The following SIPA1L3 variants were observed in gnomAD, a reference collection of about 807,000 sequenced individuals.
The protein encoded by SIPA1L3 is signal induced proliferation associated 1 like 3.
A neutral mutation model predicts 150.1 loss-of-function variants in SIPA1L3; 59 were observed. The observed-to-expected ratio is 0.39, with a 90% CI of 0.32 to 0.49. The LOEUF is 0.49. Ranked by LOEUF, SIPA1L3 falls within the 20% of genes least tolerant of loss-of-function variation. The probability of loss-of-function intolerance (pLI) is 0.86; values close to 1 mark genes in which losing one functional copy is unlikely to be tolerated. For synonymous variants in SIPA1L3, 1,070 were observed against 1,077.6 expected, an observed-to-expected ratio of 0.99 and a Z score of 0.14; for missense variants, 2,211 against 2,489.5, an observed-to-expected ratio of 0.89 and a Z score of 2.38.
At position 38,120,081 on chromosome 19, in the gene SIPA1L3, G is replaced by A. The variant is rs705507; in HGVS notation, c.2868+199G>A. 0.66 allele frequency among the ~76,000 whole-genome samples: 100,537 copies of A among 151,986 alleles called. 34,868 individuals are homozygous for A. Among genetic ancestry groups the A allele is most frequent in the African/African-American group, 0.87 (36,143 of 41,466 alleles). ...TCTGGAAGGTTTGTGCCAGAGATCTGTGGATCTTCATGCTATTACCTTGGA... is the reference window on the plus strand; with the variant it reads ...TCTGGAAGGTTTGTGCCAGAGATCTATGGATCTTCATGCTATTACCTTGGA... On this transcript the variant is annotated intron_variant, in intron 9 of 21. Coordinates refer to ENST00000222345, the MANE Select transcript of SIPA1L3 (RefSeq NM_015073.3).
chr19:38,053,726 T>A (rs1381831868), intron 2 of SIPA1L3, among the ~76,000 whole-genome samples: 1 of 151,832 alleles, frequency 6.6e-6, no homozygotes, highest in Middle Eastern at 3.2e-3. Context: ...CCAGCTAATT[T>A]TTATTATTTT....
At chr19:38,086,012 CA>C (rs796784912) in intron 3 of SIPA1L3, among the ~76,000 whole-genome samples, 13 of 148,104 alleles carry the variant, frequency 8.8e-5, no homozygotes, top group African/African-American at 1.5e-4. Context: ...CAAAACAAAA[CA>C]AAAAAAAAAC....
intron 1 of SIPA1L3, among the ~76,000 whole-genome samples, chr19:37,973,124 C>T (rs1020240712): frequency 1.3e-5 from 2 of 151,968 alleles, no homozygotes; most frequent in African/African-American, 4.8e-5. Flanking sequence ...CTGCAGTACA[C>T]ACTGTGCAGC....
chr19:38,013,233 G>A lies in SIPA1L3; in HGVS notation c.-378-15856G>A, dbSNP rs10414605. Among the ~76,000 whole-genome samples, 1,517 of 152,232 alleles carry A rather than the reference G, an allele frequency of 1.0e-2. 23 individuals carry two copies. Among genetic ancestry groups the A allele is most frequent in the African/African-American group, 0.033 (1,387 of 41,516 alleles). Reference sequence around the variant, plus strand: ...TGCCTACCCAAGGGCTGTAGAATAGGTGTCACAGATTACAAGAAGGTAAAA... The same window carrying A: ...TGCCTACCCAAGGGCTGTAGAATAGATGTCACAGATTACAAGAAGGTAAAA... On this transcript the variant is annotated intron_variant, in intron 1 of 21. Transcript: ENST00000222345.
chr19:38,175,204 G>A (rs909829015), intron 15 of SIPA1L3, among the ~76,000 whole-genome samples: 1 of 151,968 alleles, frequency 6.6e-6, no homozygotes, highest in African/African-American at 2.4e-5. Context: ...GTGAGGTGAC[G>A]CCTATAAGAT....
intron 1 of SIPA1L3, among the ~76,000 whole-genome samples, chr19:37,919,819 T>G (rs1055795948): frequency 1.4e-5 from 2 of 146,610 alleles, no homozygotes; most frequent in Non-Finnish European, 3.0e-5. Context: ...CAAGCAATTC[T>G]CCTGCCTCAG....
At chr19:38,189,581 C>T (rs983699623) in intron 16 of SIPA1L3, among the ~76,000 whole-genome samples, 42 of 152,046 alleles carry the variant, frequency 2.8e-4, no homozygotes, top group African/African-American at 9.9e-4. Context: ...GCCTGGCCAA[C>T]GTGGTGAAAC....
At chr19:38,142,785 C>T in intron 12 of SIPA1L3, 75 bp downstream of exon 12, 2 of 1,508,000 alleles carry the variant, frequency 1.3e-6, no homozygotes, top group Non-Finnish European at 1.8e-6. Flanking sequence ...AGCAAATGCA[C>T]ACCCCCACAA....
intron 7 of SIPA1L3, 47 bp from the exon 8 acceptor site, chr19:38,110,180 G>A: frequency 6.3e-7 from 1 of 1,597,752 alleles, no homozygotes. Context: ...GGACCCGTCA[G>A]GCCGACCTGT....
At chr19:38,049,422 T>C (rs1202264798) in intron 2 of SIPA1L3, among the ~76,000 whole-genome samples, 1 of 152,222 alleles carries the variant, frequency 6.6e-6, no homozygotes, top group East Asian at 1.9e-4. Flanking sequence ...GCTGGATGTG[T>C]GTCCAGTGTA....
At chr19:38,054,479 G>A (rs1157101268) in intron 2 of SIPA1L3, among the ~76,000 whole-genome samples, 2 of 152,306 alleles carry the variant, frequency 1.3e-5, no homozygotes, top group African/African-American at 4.8e-5. Context: ...GGTGGTGGGT[G>A]CCAGTAATCC....
intron 1 of SIPA1L3, among the ~76,000 whole-genome samples, chr19:37,966,970 A>G (rs957563048): frequency 6.6e-6 from 1 of 152,030 alleles, no homozygotes. Context: ...CCTCAGTTTT[A>G]TTAGGGCTGC....
chr19:38,052,817 A>G (rs1224623988), intron 2 of SIPA1L3, among the ~76,000 whole-genome samples: 2 of 152,134 alleles, frequency 1.3e-5, no homozygotes, highest in African/African-American at 4.8e-5. Flanking sequence ...CCTCTGCCGG[A>G]GGAGTCCCCT....
chr19:37,943,265 C>T (rs2046679156), intron 1 of SIPA1L3, among the ~76,000 whole-genome samples: 1 of 152,048 alleles, frequency 6.6e-6, no homozygotes, highest in Non-Finnish European at 1.5e-5. Flanking sequence ...AACTGAGGCC[C>T]AGAGAAGTGA....
chr19:37,936,734 C>A (rs1014921321), intron 1 of SIPA1L3, among the ~76,000 whole-genome samples: 1 of 152,186 alleles, frequency 6.6e-6, no homozygotes, highest in Non-Finnish European at 1.5e-5. Context: ...GATGCAGTCT[C>A]TCCTGGTCTG....
rs1973219070 is a variant in SIPA1L3, at chr19:38,206,514, G to A, written c.*274G>A. 1 of 355,510 alleles carries A rather than the reference G, an allele frequency of 2.8e-6. No individual in the cohort carries two copies. Among genetic ancestry groups the A allele is most frequent in the Admixed American group, 4.8e-5 (1 of 20,774 alleles). The allele number at this position is 355,510 out of a possible 1,614,324, so 22.0% of individuals were successfully genotyped here. ...CTGGGCTGTGCTTACACCGCTCCCGGGCCTGCCCCGCTGTCCCCATCTAGC... is the reference window on the plus strand; with the variant it reads ...CTGGGCTGTGCTTACACCGCTCCCGAGCCTGCCCCGCTGTCCCCATCTAGC... On this transcript the variant is annotated 3_prime_UTR_variant, in exon 22 of 22. Coordinates refer to ENST00000222345, the MANE Select transcript of SIPA1L3 (RefSeq NM_015073.3).
chr19:37,938,499 A>G (rs1599816063), intron 1 of SIPA1L3, among the ~76,000 whole-genome samples: 1 of 152,210 alleles, frequency 6.6e-6, no homozygotes, highest in East Asian at 1.9e-4. Context: ...TGGATAGGAA[A>G]TGAAATCTCA....
intron 2 of SIPA1L3, among the ~76,000 whole-genome samples, chr19:38,038,905 A>G (rs926236271): frequency 1.3e-5 from 2 of 151,936 alleles, no homozygotes; most frequent in Non-Finnish European, 2.9e-5. Context: ...TTTTTTGGAG[A>G]CACAGTCTCA....
intron 1 of SIPA1L3, among the ~76,000 whole-genome samples, chr19:37,910,431 C>G (rs533489725): frequency 1.7e-3 from 260 of 150,506 alleles, no homozygotes; most frequent in Non-Finnish European, 3.0e-3. Flanking sequence ...TGTGGTGGCA[C>G]ACATCTCTAG....
Sources: gnomAD v4.1 joint callset for allele counts (sites outside exome capture counted in the v4.1 genomes callset) on GRCh38, gnomAD v4.1.1 for gene constraint, MANE v1.5 for transcripts, NCBI Gene and HGNC (gene_info 2026-07-23, HGNC 2026-07-21) for gene names.